Variants in ABHD5 observed in about 807,000 individuals in gnomAD.
ABHD5 encodes the protein abhydrolase domain containing 5, lysophosphatidic acid acyltransferase.
ABHD5 carries 30 observed loss-of-function variants against 44.9 expected under a neutral mutation model. The observed-to-expected ratio is 0.67, with a 90% CI of 0.50 to 0.91. The LOEUF is 0.91. Ranked by LOEUF, ABHD5 falls within the 40% of genes least tolerant of loss-of-function variation. The probability of loss-of-function intolerance (pLI) is 0.00; values close to 1 mark genes in which losing one functional copy is unlikely to be tolerated. For missense variants in ABHD5, 399 were observed against 423.4 expected (o/e 0.94, Z 0.50); for synonymous variants, 167 against 147.0 (o/e 1.14, Z -0.99).
intron 2 of ABHD5, chr3:43,699,569 G>A: frequency 1.8e-6 from 1 of 542,490 alleles, no homozygotes; most frequent in Admixed American, 3.0e-5. Context: ...TTGGGCCCCT[G>A]TTATACTCTT....
chr3:43,700,305 C>T (rs1476872114), intron 2 of ABHD5, among the ~76,000 whole-genome samples: 1 of 151,912 alleles, frequency 6.6e-6, no homozygotes, highest in Non-Finnish European at 1.5e-5. Context: ...AAACTTGTAC[C>T]ATCAGGGCAT....
intron 7 of ABHD5, among the ~76,000 whole-genome samples, chr3:43,729,444 T>C (rs938548422): frequency 6.6e-6 from 1 of 152,198 alleles, no homozygotes; most frequent in South Asian, 2.1e-4. Flanking sequence ...ATTTGAGATA[T>C]ATCTCCAAAA....
intron 1 of ABHD5, among the ~76,000 whole-genome samples, chr3:43,698,047 G>A (rs1283978600): frequency 6.6e-6 from 1 of 152,176 alleles, no homozygotes; most frequent in Non-Finnish European, 1.5e-5. Context: ...AAATTCTACA[G>A]GGAAGGGAAA....
rs902976532 is a variant in ABHD5 at position 43,717,910 on chromosome 3, T to C, written c.960+53T>C. 11 of 1,608,510 alleles carry C rather than the reference T, an allele frequency of 6.8e-6. No individual in the cohort carries two copies. In the African/African-American group the frequency reaches 1.5e-4, roughly 22 times the overall value. Reference sequence around the variant, plus strand: ...TAGGTATAGGTGAGGTCCGTTTTATTATCTCCCTTAAAAGAGGTTTTAGGT... The same window carrying C: ...TAGGTATAGGTGAGGTCCGTTTTATCATCTCCCTTAAAAGAGGTTTTAGGT... On this transcript the variant is annotated intron_variant, in intron 6 of 6. Coordinates refer to ENST00000644371, the MANE Select transcript of ABHD5 (RefSeq NM_016006.6).
downstream of ABHD5, among the ~76,000 whole-genome samples, chr3:43,723,467 G>A (rs1293565052): frequency 6.6e-6 from 1 of 152,180 alleles, no homozygotes; most frequent in Non-Finnish European, 1.5e-5. Flanking sequence ...TGGTGGCTTA[G>A]GTTCATAAAA....
intron 4 of ABHD5, 81 bp downstream of exon 4, chr3:43,711,944 A>T (rs2084693724): frequency 1.3e-6 from 2 of 1,589,312 alleles, no homozygotes; most frequent in African/African-American, 1.3e-5. Context: ...TCAAAATCTT[A>T]AAAACAAACA....
chr3:43,710,413 C>T (rs1464055811), intron 3 of ABHD5, among the ~76,000 whole-genome samples: 1 of 152,198 alleles, frequency 6.6e-6, no homozygotes, highest in African/African-American at 2.4e-5. Context: ...TTGTCGGCAT[C>T]TGCTGGTATG....
chr3:43,702,835 G>A (rs2084561943), intron 3 of ABHD5, among the ~76,000 whole-genome samples: 1 of 152,120 alleles, frequency 6.6e-6, no homozygotes, highest in Non-Finnish European at 1.5e-5. Context: ...TAGAATTGTA[G>A]AAACTTTAAT....
downstream of ABHD5, among the ~76,000 whole-genome samples, chr3:43,725,423 T>G (rs917302083): frequency 6.6e-6 from 1 of 152,230 alleles, no homozygotes; most frequent in Non-Finnish European, 1.5e-5. Context: ...TTAATTAGAT[T>G]AGCTCCAAGA....
At chr3:43,709,433 T>C (rs895945403) in intron 3 of ABHD5, among the ~76,000 whole-genome samples, 1 of 152,234 alleles carries the variant, frequency 6.6e-6, no homozygotes, top group African/African-American at 2.4e-5. Context: ...AAACAGTCAC[T>C]TACCTACAGA....
At position 43,721,201 on chromosome 3, in the gene ABHD5, T is replaced by C. The variant is rs1258607566; in HGVS notation, c.*2669T>C. On this transcript the variant is annotated 3_prime_UTR_variant, in exon 7 of 7. Transcript: ENST00000644371. The stretch of plus-strand genomic sequence containing the variant: ...AAGCATCTCATTCAGAGAAAAAGGC[T>C]TTAAAAATGGTGTTGAGAGAAGTGT... The C allele has an allele frequency of 6.6e-6, 1 of 152,102 alleles. No homozygotes were observed. The highest frequency in any genetic ancestry group is 2.4e-5 in the African/African-American group (1 of 41,430). The allele number at this position is 152,102 out of a possible 1,614,324, so 9.4% of individuals were successfully genotyped here.
Position 43,719,990 on chromosome 3 carries a change from G to A in ABHD5, c.*1458G>A, listed in dbSNP as rs2084814188. The A allele has an allele frequency of 1.3e-5, 2 of 152,256 alleles. No homozygotes were observed. The highest frequency in any genetic ancestry group is 1.5e-5 in the Non-Finnish European group (1 of 68,010). The allele number at this position is 152,256 out of a possible 1,614,324, so 9.4% of individuals were successfully genotyped here. Reference sequence around the variant, plus strand: ...TGATTAACTGCCAGAAAGACTGAATGTTCTATTTTCAACATTTCTCCCCTA... The same window carrying A: ...TGATTAACTGCCAGAAAGACTGAATATTCTATTTTCAACATTTCTCCCCTA... On this transcript the variant is annotated 3_prime_UTR_variant, in exon 7 of 7. Transcript: ENST00000644371.
intron 3 of ABHD5, among the ~76,000 whole-genome samples, chr3:43,709,590 C>T (rs2084662863): frequency 6.6e-6 from 1 of 152,112 alleles, no homozygotes. Context: ...ATAAAGAGTT[C>T]ATTTTTCTCT....
In ABHD5 at chr3:43,718,570, T is replaced by TA; in HGVS notation, c.*39dup. The TA allele has an allele frequency of 2.5e-6, 4 of 1,576,254 alleles. No homozygotes were observed. The highest frequency in any genetic ancestry group is 3.5e-6 in the Non-Finnish European group (4 of 1,145,654). On this transcript the variant is annotated 3_prime_UTR_variant, in exon 7 of 7. Transcript: ENST00000644371. ...TCTGATGGGAAAACCTGGTGACTGA[T>TA]ATAGTTGTTCAGCAATAATTCATAG...
chr3:43,691,058 G>T lies in ABHD5; in HGVS notation c.47+19G>T, dbSNP rs777382118. On this transcript the variant is annotated intron_variant, in intron 1 of 6. Transcript: ENST00000644371. ...GAGAGAGGTAAGCGCAGCCGGCAGG[G>T]GGCTTCGTGTGTCTCCGGCGCGCAC... 3.6e-5 allele frequency: 56 copies of T among 1,537,648 alleles called. No individual in the cohort carries two copies. Among genetic ancestry groups the T allele is most frequent in the Non-Finnish European group, 3.7e-5 (42 of 1,141,664 alleles).
chr3:43,725,832 TA>T (rs1412376148), downstream of ABHD5, among the ~76,000 whole-genome samples: 1 of 151,624 alleles, frequency 6.6e-6, no homozygotes, highest in Non-Finnish European at 1.5e-5. Flanking sequence ...TCAGGTTCAT[TA>T]AGGGCTGTTT....
rs1298485920 is a variant in ABHD5 at position 43,691,145 on chromosome 3, G to A, written c.47+106G>A. 25 of 1,165,204 alleles carry A rather than the reference G, an allele frequency of 2.1e-5. No individual in the cohort carries two copies. The East Asian group carries it at 6.4e-4, about 30-fold the overall frequency. 72.2% of individuals were successfully genotyped at this position (1,165,204 alleles called of 1,614,324 possible). A position where few individuals can be genotyped will look rare whatever the true frequency, so the allele number is the denominator to read the frequency against. Reference sequence around the variant, plus strand: ...ACCAAGGAGTCGCCGCCCGCCTGGCGACGACGGGCGGCTTCCTCGACCCTC... The same window carrying A: ...ACCAAGGAGTCGCCGCCCGCCTGGCAACGACGGGCGGCTTCCTCGACCCTC... On this transcript the variant is annotated intron_variant, in intron 1 of 6. Transcript: ENST00000644371.
intron 3 of ABHD5, among the ~76,000 whole-genome samples, chr3:43,710,366 G>A (rs1295355205): frequency 1.3e-5 from 2 of 152,066 alleles, no homozygotes; most frequent in African/African-American, 4.8e-5. Context: ...ATGTTGATTA[G>A]CCTATTTTTA....
intron 2 of ABHD5, chr3:43,701,952 G>A (rs1038086328): frequency 5.2e-6 from 2 of 383,502 alleles, no homozygotes; most frequent in Admixed American, 4.3e-5. Flanking sequence ...AAAGAAGTTA[G>A]AAGGTAATAT....
Sources: gnomAD v4.1 joint callset for allele counts (sites outside exome capture counted in the v4.1 genomes callset) on GRCh38, gnomAD v4.1.1 for gene constraint, MANE v1.5 for transcripts, NCBI Gene and HGNC (gene_info 2026-07-23, HGNC 2026-07-21) for gene names.